CADM2: variants seen among roughly 807,000 people sequenced by gnomAD.
CADM2 encodes the protein immunoglobulin superfamily member 4D.
A neutral mutation model predicts 49.8 loss-of-function variants in CADM2; 12 were observed. That is an observed-to-expected ratio of 0.24 (90% confidence interval 0.15 to 0.39). The LOEUF (loss-of-function observed/expected upper bound fraction) is 0.39, where lower values mean the gene tolerates loss of function less well. Among genes scored for constraint, CADM2 ranks in the 10% least tolerant of loss-of-function variants. The pLI, the probability that CADM2 is intolerant of heterozygous loss-of-function variation, is 1.00. For missense variants in CADM2, 378 were observed against 492.3 expected (o/e 0.77, Z 2.20); for synonymous variants, 214 against 175.4 (o/e 1.22, Z -1.74).
chr3:85,769,976 T>G (rs2069987747), intron 2 of CADM2, among the ~76,000 whole-genome samples: 1 of 150,530 alleles, frequency 6.6e-6, no homozygotes, highest in South Asian at 2.1e-4. Flanking sequence ...TGTTGCAAAT[T>G]TATATATGAT....
chr3:85,461,427 T>G (rs2038239326), intron 1 of CADM2, among the ~76,000 whole-genome samples: 3 of 152,218 alleles, frequency 2.0e-5, no homozygotes, highest in African/African-American at 7.2e-5. Flanking sequence ...AACATACGCT[T>G]TTATTGATAC....
chr3:85,856,434 A>G (rs760638670), intron 3 of CADM2, among the ~76,000 whole-genome samples: 3 of 152,306 alleles, frequency 2.0e-5, no homozygotes, highest in Non-Finnish European at 4.4e-5. Flanking sequence ...AGCATGACTT[A>G]TTTAATTACC....
At chr3:85,708,445 G>C (rs888012567) in intron 1 of CADM2, among the ~76,000 whole-genome samples, 1 of 151,970 alleles carries the variant, frequency 6.6e-6, no homozygotes, top group Non-Finnish European at 1.5e-5. Context: ...TCAACAAGCC[G>C]CAGTCTTTAG....
In CADM2 at chr3:85,967,500, A is replaced by T. The variant is rs576830377; in HGVS notation, c.970+5853A>T. Among the ~76,000 whole-genome samples, 105 of 151,772 alleles carry T rather than the reference A, an allele frequency of 6.9e-4. 1 individual carries two copies. The South Asian group carries it at 0.016, about 23-fold the overall frequency. On this transcript the variant is annotated intron_variant, in intron 8 of 9. Transcript: ENST00000383699. ...GGAACATCATAGAGTAATACCTTAAATTTGCTTTTAAAATTTTCTTGCCAT... is the reference window on the plus strand; with the variant it reads ...GGAACATCATAGAGTAATACCTTAATTTTGCTTTTAAAATTTTCTTGCCAT...
At chr3:85,784,991 T>G (rs2070892882) in intron 2 of CADM2, among the ~76,000 whole-genome samples, 1 of 152,176 alleles carries the variant, frequency 6.6e-6, no homozygotes, top group Non-Finnish European at 1.5e-5. Flanking sequence ...GATTTTGTAT[T>G]TCTTCATGAT....
At chr3:85,884,219 A>T (rs1713237305) in intron 4 of CADM2, among the ~76,000 whole-genome samples, 1 of 152,194 alleles carries the variant, frequency 6.6e-6, no homozygotes, top group Non-Finnish European at 1.5e-5. Flanking sequence ...GTGCTGAACA[A>T]GTTAGAAGAA....
chr3:85,079,961 A>T (rs1357497374), intron 1 of CADM2, among the ~76,000 whole-genome samples: 1 of 151,974 alleles, frequency 6.6e-6, no homozygotes, highest in Non-Finnish European at 1.5e-5. Context: ...TTGATACACT[A>T]TTGGAAACCA....
At chr3:84,988,076 A>G (rs1167450195) in intron 1 of CADM2, among the ~76,000 whole-genome samples, 1 of 152,200 alleles carries the variant, frequency 6.6e-6, no homozygotes, top group Non-Finnish European at 1.5e-5. Context: ...TTGCTTTAGT[A>G]GCACTCTCAC....
intron 3 of CADM2, among the ~76,000 whole-genome samples, chr3:85,843,947 T>C (rs2074759501): frequency 6.6e-6 from 1 of 152,112 alleles, no homozygotes; most frequent in African/African-American, 2.4e-5. Flanking sequence ...TTAGTTTAGA[T>C]ATTACTAGCA....
rs375720692 is a variant in CADM2 at position 85,901,460 on chromosome 3, CTGTT to C, written c.530-10910_530-10907del. Reference sequence around the variant, plus strand: ...TTTACTAGTTTGGAAATAAAATACTCTGTTTGCTGAAAGTAGTCATTATATAAAA... The same window carrying C: ...TTTACTAGTTTGGAAATAAAATACTCTGCTGAAAGTAGTCATTATATAAAA... On this transcript the variant is annotated intron_variant, in intron 5 of 9. Coordinates refer to ENST00000383699, the MANE Select transcript of CADM2 (RefSeq NM_001167675.2). Among the ~76,000 whole-genome samples, 99 of 152,164 alleles carry C rather than the reference CTGTT, an allele frequency of 6.5e-4. 1 individual carries two copies. In the South Asian group the frequency reaches 0.014, roughly 21 times the overall value.
intron 1 of CADM2, among the ~76,000 whole-genome samples, chr3:85,316,462 A>C (rs2107078422): frequency 6.6e-6 from 1 of 152,154 alleles, no homozygotes; most frequent in South Asian, 2.1e-4. Context: ...TCATTGTTTT[A>C]TTTTCACTGT....
chr3:85,099,948 A>T (rs2037949343), intron 1 of CADM2, among the ~76,000 whole-genome samples: 1 of 152,066 alleles, frequency 6.6e-6, no homozygotes, highest in African/African-American at 2.4e-5. Flanking sequence ...AAAGTTTATA[A>T]TTGAATTTTA....
chr3:85,426,041 C>T (rs2036387308), intron 1 of CADM2, among the ~76,000 whole-genome samples: 1 of 152,168 alleles, frequency 6.6e-6, no homozygotes, highest in African/African-American at 2.4e-5. Flanking sequence ...CTTATGCAAG[C>T]CGTGCCTCAG....
chr3:85,543,427 T>TGGGGGTGTGTGTGTGTGTGG lies in CADM2; in HGVS notation c.62-183094_62-183093insGGGGTGTGTGTGTGTGTGGG, dbSNP rs1553739554. 3.4e-3 allele frequency among the ~76,000 whole-genome samples: 181 copies of TGGGGGTGTGTGTGTGTGTGG among 53,334 alleles called. 3 individuals carry two copies. The highest frequency in any genetic ancestry group is 5.3e-3 in the African/African-American group (153 of 28,676). The allele number at this position is 53,334 out of a possible 152,430, so 35.0% of individuals were successfully genotyped here. A position where few individuals can be genotyped will look rare whatever the true frequency, so the allele number is the denominator to read the frequency against. On this transcript the variant is annotated intron_variant, in intron 1 of 9. Transcript: ENST00000383699. The stretch of plus-strand genomic sequence containing the variant: ...CGCCACCATGCCAAGCTAATGTGTG[T>TGGGGGTGTGTGTGTGTGTGG]GTGTGTGTGTGTGTGTGTGTGTGTG...
chr3:85,117,900 G>T (rs1458517399), intron 1 of CADM2, among the ~76,000 whole-genome samples: 3 of 151,926 alleles, frequency 2.0e-5, no homozygotes, highest in African/African-American at 4.8e-5. Context: ...AGTTGATTCG[G>T]CCCTATTATA....
chr3:85,251,643 C>T (rs914757689), intron 1 of CADM2, among the ~76,000 whole-genome samples: 4 of 151,974 alleles, frequency 2.6e-5, no homozygotes, highest in Non-Finnish European at 5.9e-5. Context: ...CTTTCTTTTG[C>T]TCATTGCTTA....
intron 1 of CADM2, among the ~76,000 whole-genome samples, chr3:85,209,214 T>G (rs2041720181): frequency 6.6e-6 from 1 of 152,142 alleles, no homozygotes; most frequent in Admixed American, 6.5e-5. Flanking sequence ...GATCTACAAT[T>G]TTAGGCTTCT....
At chr3:85,407,439 C>T (rs1362678229) in intron 1 of CADM2, among the ~76,000 whole-genome samples, 1 of 152,128 alleles carries the variant, frequency 6.6e-6, no homozygotes, top group African/African-American at 2.4e-5. Context: ...AACTTTTACA[C>T]AACCGCTTCT....
chr3:85,727,268 AT>A, intron 2 of CADM2, among the ~76,000 whole-genome samples: 1 of 152,096 alleles, frequency 6.6e-6, no homozygotes, highest in Admixed American at 6.6e-5. Flanking sequence ...AGCAAAAGAA[AT>A]TTTTTTCTCT....
Sources: allele counts gnomAD v4.1 joint callset (sites outside exome capture counted in the v4.1 genomes callset), GRCh38; gene constraint gnomAD v4.1.1; transcripts MANE v1.5; gene names NCBI Gene and HGNC (gene_info 2026-07-23, HGNC 2026-07-21).